The following PPP1R11 variants were observed in gnomAD, a reference collection of about 807,000 sequenced individuals.
The protein encoded by PPP1R11 is protein phosphatase 1 regulatory inhibitor subunit 11.
Under a neutral mutation model 11.3 loss-of-function variants are expected in PPP1R11, and 10 were observed. The ratio of observed to expected loss-of-function variants is 0.88; its 90% CI spans 0.55 to 1.50. PPP1R11 has a LOEUF of 1.50. Ranked by LOEUF, PPP1R11 falls within the 40% of genes most tolerant of loss-of-function variation. The probability of loss-of-function intolerance (pLI) is 0.00; values close to 1 mark genes in which losing one functional copy is unlikely to be tolerated. For missense variants in PPP1R11, 114 were observed against 179.1 expected, an observed-to-expected ratio of 0.64 and a Z score of 2.07; for synonymous variants, 56 against 62.3, an observed-to-expected ratio of 0.90 and a Z score of 0.48.
upstream of PPP1R11, among the ~76,000 whole-genome samples, chr6:30,063,969 G>A (rs1291441912): frequency 6.6e-6 from 1 of 151,906 alleles, no homozygotes; most frequent in Non-Finnish European, 1.5e-5. The surrounding 1 kb of genome is among the most constrained non-coding windows in gnomAD (Gnocchi z 4.1). Context: ...TTCTTTTCTT[G>A]TTCACTTTTA....
chr6:30,061,542 C>T, the PPP1R11 span: 1 of 1,613,126 alleles, frequency 6.2e-7, no homozygotes, highest in East Asian at 2.2e-5. This position sits in a 1 kb window ranked among gnomAD's most constrained non-coding sequence, Gnocchi z 5.0. Flanking sequence ...TCATGGACCT[C>T]GCCAATACTT....
At chr6:30,068,519 G>A in intron 1 of PPP1R11, 71 bp from the exon 2 acceptor site, 1 of 1,257,046 alleles carries the variant, frequency 8.0e-7, no homozygotes, top group Non-Finnish European at 1.1e-6. Context: ...AAGAGAGGAG[G>A]TTCCCTGGGA....
chr6:30,067,269 C>A lies in PPP1R11; in HGVS notation c.-142C>A. ...CCCCAGGGGTGGAGAAGCGGAGGCC[C>A]AGGAGGAGGGGGAATAAAGAAGGTG... On this transcript the variant is annotated 5_prime_UTR_variant, in exon 1 of 3. Transcript: ENST00000376772. The A allele has an allele frequency of 1.2e-6, 1 of 850,192 alleles. No individual in the cohort carries two copies. The highest frequency in any genetic ancestry group is 1.8e-6 in the Non-Finnish European group (1 of 546,376). The allele number at this position is 850,192 out of a possible 1,614,324, so 52.7% of individuals were successfully genotyped here. A position where few individuals can be genotyped will look rare whatever the true frequency, so the allele number is the denominator to read the frequency against.
upstream of PPP1R11, among the ~76,000 whole-genome samples, chr6:30,063,862 G>T (rs1765305913): frequency 6.6e-6 from 1 of 152,188 alleles, no homozygotes; most frequent in Admixed American, 6.5e-5. The surrounding 1 kb of genome is among the most constrained non-coding windows in gnomAD (Gnocchi z 4.1). Flanking sequence ...GCAAATCCAT[G>T]TAAGGGCTAG....
chr6:30,069,527 G>T lies in PPP1R11; in HGVS notation c.*221G>T. 1 of 465,788 alleles carries T rather than the reference G, an allele frequency of 2.1e-6. No individual in the cohort carries two copies. Among genetic ancestry groups the T allele is most frequent in the South Asian group, 5.1e-5 (1 of 19,638 alleles). 28.9% of individuals were successfully genotyped at this position (465,788 alleles called of 1,614,324 possible). A position where few individuals can be genotyped will look rare whatever the true frequency, so the allele number is the denominator to read the frequency against. ...CTCCCAATACCCACCCTTCTCTCTC[G>T]AGGGATCTAGGCACCTTGGTCCCAG... On this transcript the variant is annotated 3_prime_UTR_variant, in exon 3 of 3. Transcript: ENST00000376772. This position sits in a 1 kb window ranked among gnomAD's most constrained non-coding sequence, Gnocchi z 6.6.
chr6:30,064,026 T>G (rs1765317395), upstream of PPP1R11, among the ~76,000 whole-genome samples: 1 of 152,194 alleles, frequency 6.6e-6, no homozygotes, highest in African/African-American at 2.4e-5. Context: ...GCACGGGATC[T>G]CCTATCAGAC....
At chr6:30,063,396 A>C (rs981930756), upstream of PPP1R11, among the ~76,000 whole-genome samples, 2 of 151,602 alleles carry the variant, frequency 1.3e-5, no homozygotes, top group African/African-American at 4.8e-5. This position sits in a 1 kb window ranked among gnomAD's most constrained non-coding sequence, Gnocchi z 4.1. Context: ...GTTTATTTCA[A>C]GTATTATTAT....
chr6:30,068,979 C>T, intron 2 of PPP1R11, 125 bp from the exon 3 acceptor site: 3 of 1,029,420 alleles, frequency 2.9e-6, no homozygotes, highest in African/African-American at 3.2e-5. Flanking sequence ...GAGGGTGGGC[C>T]TGGGGAAGCT....
chr6:30,069,379 C>G lies in PPP1R11; in HGVS notation c.*73C>G, dbSNP rs914479779. ...TCCATGTGGCTACTTCTCCAGCCCC[C>G]TCCTTCCCTCTCTTCTGCCTGATAG... On this transcript the variant is annotated 3_prime_UTR_variant, in exon 3 of 3. Transcript: ENST00000376772. The surrounding 1 kb of genome is among the most constrained non-coding windows in gnomAD (Gnocchi z 6.6). 1 of 1,153,046 alleles carries G rather than the reference C, an allele frequency of 8.7e-7. No homozygotes were observed. Among genetic ancestry groups the G allele is most frequent in the South Asian group, 1.6e-5 (1 of 61,168 alleles). 71.4% of individuals were successfully genotyped at this position (1,153,046 alleles called of 1,614,324 possible).
rs1202337357 is a variant in PPP1R11, at chr6:30,070,200, C to T, written c.*894C>T. 3 of 153,662 alleles carry T rather than the reference C, an allele frequency of 2.0e-5. No homozygotes were observed. The highest frequency in any genetic ancestry group is 6.5e-5 in the Admixed American group (1 of 15,430). 9.5% of individuals were successfully genotyped at this position (153,662 alleles called of 1,614,324 possible). A position where few individuals can be genotyped will look rare whatever the true frequency, so the allele number is the denominator to read the frequency against. On this transcript the variant is annotated 3_prime_UTR_variant, in exon 3 of 3. Transcript: ENST00000376772. ...TCAGTTCTCTTGGCCCCTCTCTACC[C>T]CTTACTGGGATCCGGTTTTCATTTT...
the PPP1R11 span, chr6:30,061,398 C>A: frequency 9.6e-7 from 1 of 1,039,788 alleles, no homozygotes; most frequent in Non-Finnish European, 1.4e-6. The surrounding 1 kb of genome is among the most constrained non-coding windows in gnomAD (Gnocchi z 5.0). Context: ...AGGCAGGAGG[C>A]GTGCGTGGCA....
chr6:30,067,223 A>C lies in PPP1R11; in HGVS notation c.-188A>C. 1.8e-6 allele frequency: 1 copy of C among 564,214 alleles called. No individual in the cohort carries two copies. Among genetic ancestry groups the C allele is most frequent in the Non-Finnish European group, 3.2e-6 (1 of 316,112 alleles). The allele number at this position is 564,214 out of a possible 1,614,324, so 35.0% of individuals were successfully genotyped here. A position where few individuals can be genotyped will look rare whatever the true frequency, so the allele number is the denominator to read the frequency against. On this transcript the variant is annotated 5_prime_UTR_variant, in exon 1 of 3. Coordinates refer to ENST00000376772, the MANE Select transcript of PPP1R11 (RefSeq NM_021959.3). ...GTCACACCCGGAAGCGGCGAGCCGG[A>C]AGTGGGGTTAGCCAGGTTATCCCCA...
upstream of PPP1R11, chr6:30,062,268 C>T (rs902430005): frequency 1.9e-6 from 3 of 1,612,992 alleles, no homozygotes; most frequent in African/African-American, 4.0e-5. Context: ...GAATGGCATA[C>T]CACACCAGAC....
At chr6:30,061,495 A>C in the PPP1R11 span, 2 of 1,609,962 alleles carry the variant, frequency 1.2e-6, no homozygotes, top group East Asian at 4.5e-5. The surrounding 1 kb of genome is among the most constrained non-coding windows in gnomAD (Gnocchi z 5.0). Context: ...TTGTTAATAA[A>C]CTTCCAACTC....
upstream of PPP1R11, among the ~76,000 whole-genome samples, chr6:30,064,305 A>T (rs571331883): frequency 6.9e-4 from 104 of 151,098 alleles, no homozygotes; most frequent in East Asian, 2.1e-3. Flanking sequence ...AAAAAAAAAA[A>T]TTTTTTTTAA....
At chr6:30,063,349 T>C (rs1021766360), upstream of PPP1R11, among the ~76,000 whole-genome samples, 8 of 152,086 alleles carry the variant, frequency 5.3e-5, no homozygotes, top group Non-Finnish European at 1.0e-4. This position sits in a 1 kb window ranked among gnomAD's most constrained non-coding sequence, Gnocchi z 4.1. Flanking sequence ...GAGTAATTTC[T>C]TCAGGTCCCT....
At chr6:30,067,532 G>T (rs1284465474) in intron 1 of PPP1R11, 53 bp downstream of exon 1, 5 of 1,569,504 alleles carry the variant, frequency 3.2e-6, no homozygotes, top group Non-Finnish European at 4.4e-6. Flanking sequence ...ATACTGGGAG[G>T]GAGGGGACAG....
chr6:30,066,743 C>T (rs1228312916), upstream of PPP1R11: 2 of 152,440 alleles, frequency 1.3e-5, no homozygotes, highest in African/African-American at 4.8e-5. Context: ...AACCACATCG[C>T]TTGACTCTTA....
At chr6:30,061,865 G>A (rs1765103782), upstream of PPP1R11, 1 of 1,593,458 alleles carries the variant, frequency 6.3e-7, no homozygotes, top group Non-Finnish European at 8.6e-7. This position sits in a 1 kb window ranked among gnomAD's most constrained non-coding sequence, Gnocchi z 5.0. Flanking sequence ...GAGGTTTCCG[G>A]TGTCAGCTCT....
Sources: gnomAD v4.1 joint callset for allele counts (sites outside exome capture counted in the v4.1 genomes callset) on GRCh38, gnomAD v4.1.1 for gene constraint, Gnocchi (gnomAD v3.1) non-coding constraint, MANE v1.5 for transcripts, NCBI Gene and HGNC (gene_info 2026-07-23, HGNC 2026-07-21) for gene names.